Variants in ADAMTS19 observed in about 807,000 individuals in gnomAD.
ADAMTS19 encodes the protein ADAM metallopeptidase with thrombospondin type 1 motif 19.
A neutral mutation model predicts 153.3 loss-of-function variants in ADAMTS19; 93 were observed. The observed-to-expected ratio is 0.61, with a 90% CI of 0.51 to 0.72. The LOEUF (loss-of-function observed/expected upper bound fraction) is 0.72. ADAMTS19 is among the 30% of genes least tolerant of loss of function. The pLI, the probability that ADAMTS19 is intolerant of heterozygous loss-of-function variation, is 0.00. For synonymous variants in ADAMTS19, 600 were observed against 556.6 expected, an observed-to-expected ratio of 1.08 and a Z score of -1.10; for missense variants, 1,482 against 1,552.1, an observed-to-expected ratio of 0.95 and a Z score of 0.76.
intron 10 of ADAMTS19, among the ~76,000 whole-genome samples, chr5:129,640,295 A>T (rs1752736305): frequency 6.6e-6 from 1 of 152,196 alleles, no homozygotes; most frequent in African/African-American, 2.4e-5. Flanking sequence ...AAAAGCTTAC[A>T]AACAGTTCAG....
At chr5:129,683,356 G>C (rs530244362) in intron 17 of ADAMTS19, among the ~76,000 whole-genome samples, 1 of 151,906 alleles carries the variant, frequency 6.6e-6, no homozygotes, top group Non-Finnish European at 1.5e-5. Flanking sequence ...TCAGTCCAAC[G>C]TGTAGCCCCA....
At chr5:129,542,523 C>A (rs1752691921) in intron 6 of ADAMTS19, among the ~76,000 whole-genome samples, 1 of 152,076 alleles carries the variant, frequency 6.6e-6, no homozygotes, top group South Asian at 2.1e-4. Context: ...CTTGTCTTGC[C>A]CAGACTTACA....
At position 129,609,404 on chromosome 5, in the gene ADAMTS19, TAAC is replaced by T. The variant is rs1751089611; in HGVS notation, c.1479-11211_1479-11209del. ...CACAAAATACAGAGTGACTGAATAATAACAATAATTAGTAGTATTATAGTTATT... is the reference window on the plus strand; with the variant it reads ...CACAAAATACAGAGTGACTGAATAATAATAATTAGTAGTATTATAGTTATT... On this transcript the variant is annotated intron_variant, in intron 8 of 22. Transcript: ENST00000274487. 2.6e-5 allele frequency among the ~76,000 whole-genome samples: 4 copies of T among 152,176 alleles called. No individual in the cohort carries two copies. In the South Asian group the frequency reaches 8.3e-4, roughly 31 times the overall value.
At chr5:129,582,193 G>A (rs1185286234) in intron 7 of ADAMTS19, among the ~76,000 whole-genome samples, 1 of 148,744 alleles carries the variant, frequency 6.7e-6, no homozygotes, top group East Asian at 2.0e-4. Context: ...TTGCCAGTGG[G>A]ATGTTAAAGT....
intron 6 of ADAMTS19, among the ~76,000 whole-genome samples, chr5:129,549,997 TCTA>T (rs1250516934): frequency 8.6e-5 from 12 of 139,452 alleles, no homozygotes; most frequent in Non-Finnish European, 1.4e-4. Context: ...TGTATATGTA[TCTA>T]GATATACATA....
At chr5:129,530,868 C>A (rs1297311751) in intron 6 of ADAMTS19, among the ~76,000 whole-genome samples, 5 of 150,810 alleles carry the variant, frequency 3.3e-5, no homozygotes, top group Non-Finnish European at 7.4e-5. Flanking sequence ...GAAAAAATGT[C>A]TCTTATTCAC....
chr5:129,622,929 G>A (rs1213566201), intron 10 of ADAMTS19, among the ~76,000 whole-genome samples: 1 of 151,652 alleles, frequency 6.6e-6, no homozygotes, highest in African/African-American at 2.4e-5. Context: ...TTTATCTGTG[G>A]TTGGTTGGAT....
At chr5:129,660,387 T>C (rs1211003143) in intron 15 of ADAMTS19, among the ~76,000 whole-genome samples, 1 of 152,144 alleles carries the variant, frequency 6.6e-6, no homozygotes, top group African/African-American at 2.4e-5. Context: ...AGAAGTTTTT[T>C]TTATAGTGCA....
intron 6 of ADAMTS19, 61 bp from the exon 7 acceptor site, chr5:129,551,803 T>C (rs1581075653): frequency 1.9e-6 from 2 of 1,061,374 alleles, no homozygotes; most frequent in East Asian, 5.5e-5. Context: ...AATGAGTCAC[T>C]TGATGTCTTG....
At chr5:129,557,196 C>T (rs1422649405) in intron 7 of ADAMTS19, among the ~76,000 whole-genome samples, 1 of 152,140 alleles carries the variant, frequency 6.6e-6, no homozygotes, top group Non-Finnish European at 1.5e-5. Flanking sequence ...AACTCAGGTT[C>T]TGTTAACAAA....
intron 11 of ADAMTS19, 34 bp downstream of exon 11, chr5:129,641,994 A>T: frequency 7.4e-7 from 1 of 1,344,234 alleles, no homozygotes; most frequent in Non-Finnish European, 1.0e-6. Flanking sequence ...TTTAATGAGC[A>T]TACTAGATGA....
At chr5:129,700,329 T>A (rs1257308275) in intron 19 of ADAMTS19, among the ~76,000 whole-genome samples, 1 of 152,166 alleles carries the variant, frequency 6.6e-6, no homozygotes, top group East Asian at 1.9e-4. Flanking sequence ...AGTCTGTCAC[T>A]CCAGTGTCTA....
At chr5:129,537,795 A>G (rs1199767624) in intron 6 of ADAMTS19, among the ~76,000 whole-genome samples, 1 of 151,832 alleles carries the variant, frequency 6.6e-6, no homozygotes, top group Non-Finnish European at 1.5e-5. Flanking sequence ...GGAAGGGGGG[A>G]GGGATAGCAT....
intron 2 of ADAMTS19, among the ~76,000 whole-genome samples, chr5:129,504,466 C>A (rs1454979771): frequency 6.6e-6 from 1 of 152,168 alleles, no homozygotes; most frequent in African/African-American, 2.4e-5. Flanking sequence ...AAGATTAAAT[C>A]AATTAATGTG....
chr5:129,667,625 C>T (rs1754113371), intron 16 of ADAMTS19, among the ~76,000 whole-genome samples: 1 of 152,004 alleles, frequency 6.6e-6, no homozygotes, highest in East Asian at 1.9e-4. Context: ...TCCCTCTCTC[C>T]CCATGTGAGA....
At chr5:129,478,123 T>A (rs1032300802) in intron 2 of ADAMTS19, among the ~76,000 whole-genome samples, 12 of 152,232 alleles carry the variant, frequency 7.9e-5, no homozygotes, top group African/African-American at 2.9e-4. Context: ...ATGGCTGTAG[T>A]AAGGTTACAT....
chr5:129,569,421 C>A (rs1325813931), intron 7 of ADAMTS19, among the ~76,000 whole-genome samples: 1 of 152,048 alleles, frequency 6.6e-6, no homozygotes, highest in Non-Finnish European at 1.5e-5. Flanking sequence ...ATTGATAAAA[C>A]CAGTAAACAG....
Position 129,620,675 on chromosome 5 carries a change from G to A in ADAMTS19, c.1536G>A (p.Met512Ile). The A allele has an allele frequency of 1.2e-6, 2 of 1,612,914 alleles. No individual in the cohort carries two copies. The highest frequency in any genetic ancestry group is 1.7e-6 in the Non-Finnish European group (2 of 1,179,196). ...HPSCADGLHI[M>I]SGEWIKGQNL... is the part of the protein sequence containing the mutation. The stretch of plus-strand genomic sequence containing the variant: ...CGTGTGCTGATGGTCTTCATATCAT[G>A]TCTGGTGAATGGATTAAAGGACAGA... The change falls in exon 9 of 23, where the codon ATG (methionine) becomes ATA (isoleucine). Residue 512 changes from methionine to isoleucine, a missense_variant. Transcript: ENST00000274487.
chr5:129,624,262 C>G (rs549168809), intron 10 of ADAMTS19, among the ~76,000 whole-genome samples: 7 of 151,676 alleles, frequency 4.6e-5, no homozygotes, highest in Non-Finnish European at 1.0e-4. Context: ...AACTCCACAT[C>G]GTGTGTGACA....
Sources: allele counts gnomAD v4.1 joint callset (sites outside exome capture counted in the v4.1 genomes callset), GRCh38; gene constraint gnomAD v4.1.1; transcripts MANE v1.5; gene names NCBI Gene and HGNC (gene_info 2026-07-23, HGNC 2026-07-21).